Variants in CMPK1 observed in about 807,000 individuals in gnomAD.
CMPK1 encodes the protein cytidine/uridine monophosphate kinase 1, also known as UMP-CMP kinase.
Under a neutral mutation model 25.7 loss-of-function variants are expected in CMPK1, and 10 were observed. The observed-to-expected ratio is 0.39, with a 90% CI of 0.24 to 0.66. CMPK1 has a LOEUF of 0.66. Among genes scored for constraint, CMPK1 ranks in the 30% least tolerant of loss-of-function variants. The probability of loss-of-function intolerance (pLI) is 0.48; values close to 1 mark genes in which losing one functional copy is unlikely to be tolerated. For synonymous variants in CMPK1, 106 were observed against 101.5 expected (o/e 1.04, Z -0.27); for missense variants, 199 against 280.5 (o/e 0.71, Z 2.08).
chr1:47,352,901 T>A (rs1432502177), intron 1 of CMPK1, among the ~76,000 whole-genome samples: 1 of 151,948 alleles, frequency 6.6e-6, no homozygotes, highest in Non-Finnish European at 1.5e-5. Context: ...ACTTTAATTT[T>A]AGATTGAGCA....
At chr1:47,342,415 G>A (rs528630822) in intron 1 of CMPK1, among the ~76,000 whole-genome samples, 2 of 152,072 alleles carry the variant, frequency 1.3e-5, no homozygotes, top group Non-Finnish European at 1.5e-5. Flanking sequence ...GTACTCACTC[G>A]ACTGCTTCAA....
intron 1 of CMPK1, chr1:47,358,728 C>T (rs2622902): frequency 0.99 from 974,331 of 985,116 alleles, 482,547 homozygotes; most frequent in East Asian, 1. Flanking sequence ...TGTGTTTCTC[C>T]AAATTTATTT....
intron 1 of CMPK1, chr1:47,358,201 T>A: frequency 4.7e-6 from 2 of 429,226 alleles, no homozygotes; most frequent in South Asian, 3.3e-5. Flanking sequence ...CGCCTCTAAC[T>A]CCTGGGGCTC....
At chr1:47,362,878 T>C (rs1443899273) in intron 1 of CMPK1, among the ~76,000 whole-genome samples, 1 of 152,160 alleles carries the variant, frequency 6.6e-6, no homozygotes, top group African/African-American at 2.4e-5. Flanking sequence ...CCACTAGATA[T>C]TTTTTTCTTA....
chr1:47,352,486 A>G (rs1646529556), intron 1 of CMPK1, among the ~76,000 whole-genome samples: 1 of 147,950 alleles, frequency 6.8e-6, no homozygotes, highest in African/African-American at 2.4e-5. Flanking sequence ...GGAGTGGGAA[A>G]GAGACGGGGT....
Position 47,378,757 on chromosome 1 carries a change from A to T in CMPK1, c.*2012A>T, listed in dbSNP as rs1325947813. ...CCAATTTAAGCCTTGCTTATTTTTA[A>T]ATTATTTCCATTCAGTGATGTTGGA... On this transcript the variant is annotated 3_prime_UTR_variant, in exon 6 of 6. Coordinates refer to ENST00000371873, the MANE Select transcript of CMPK1 (RefSeq NM_016308.3). 1 of 149,888 alleles carries T rather than the reference A, an allele frequency of 6.7e-6. No individual in the cohort carries two copies. Among genetic ancestry groups the T allele is most frequent in the Non-Finnish European group, 1.5e-5 (1 of 67,498 alleles). The allele number at this position is 149,888 out of a possible 1,614,324, so 9.3% of individuals were successfully genotyped here. A position where few individuals can be genotyped will look rare whatever the true frequency, so the allele number is the denominator to read the frequency against.
intron 1 of CMPK1, among the ~76,000 whole-genome samples, chr1:47,344,633 G>A (rs554996889): frequency 7.9e-5 from 12 of 151,750 alleles, no homozygotes; most frequent in African/African-American, 2.9e-4. Context: ...CAAGTAGCTG[G>A]GATTACAGGC....
At chr1:47,357,548 G>A (rs1034149000) in intron 1 of CMPK1, among the ~76,000 whole-genome samples, 23 of 148,738 alleles carry the variant, frequency 1.5e-4, no homozygotes, top group African/African-American at 5.5e-4. Flanking sequence ...GCGGTGGTGT[G>A]ATCTCAGCTC....
intron 3 of CMPK1, among the ~76,000 whole-genome samples, chr1:47,373,686 C>T (rs1646690732): frequency 6.6e-6 from 1 of 151,956 alleles, no homozygotes; most frequent in African/African-American, 2.4e-5. Flanking sequence ...ATCCCAGCTA[C>T]TTGGGAGGCT....
chr1:47,333,819 C>A lies in CMPK1; in HGVS notation c.-127C>A, dbSNP rs1646371844. The A allele has an allele frequency of 2.2e-6, 1 of 447,976 alleles. No homozygotes were observed. Among genetic ancestry groups the A allele is most frequent in the Non-Finnish European group, 3.0e-6 (1 of 337,452 alleles). 27.8% of individuals were successfully genotyped at this position (447,976 alleles called of 1,614,324 possible). A position where few individuals can be genotyped will look rare whatever the true frequency, so the allele number is the denominator to read the frequency against. On this transcript the variant is annotated 5_prime_UTR_variant, in exon 1 of 6. Transcript: ENST00000371873. ...TCCGACAGGGCCGCGGACGCCCGGGCAGCCACGGCGGCGGGGCCGCGGCGG... is the reference window on the plus strand; with the variant it reads ...TCCGACAGGGCCGCGGACGCCCGGGAAGCCACGGCGGCGGGGCCGCGGCGG...
chr1:47,368,698 G>A (rs1409955128), intron 2 of CMPK1, 83 bp downstream of exon 2: 2 of 1,258,254 alleles, frequency 1.6e-6, no homozygotes, highest in African/African-American at 3.1e-5. Flanking sequence ...AGTTGCTCAT[G>A]CTTGTGATCC....
intron 2 of CMPK1, among the ~76,000 whole-genome samples, chr1:47,368,971 C>T (rs1229203252): frequency 1.3e-5 from 2 of 152,010 alleles, no homozygotes; most frequent in Admixed American, 6.6e-5. Flanking sequence ...AAAATAAATC[C>T]ACCTTTCATA....
chr1:47,369,439 C>A (rs1646661416), intron 2 of CMPK1, among the ~76,000 whole-genome samples: 1 of 152,206 alleles, frequency 6.6e-6, no homozygotes, highest in African/African-American at 2.4e-5. Context: ...ACCTATAGCT[C>A]AACTTAACAT....
At chr1:47,355,329 A>G (rs1216177046) in intron 1 of CMPK1, among the ~76,000 whole-genome samples, 2 of 144,698 alleles carry the variant, frequency 1.4e-5, no homozygotes, top group African/African-American at 5.1e-5. Flanking sequence ...TACAAGCATG[A>G]GCCACCATGC....
At chr1:47,344,237 T>G (rs1267285877) in intron 1 of CMPK1, among the ~76,000 whole-genome samples, 1 of 152,144 alleles carries the variant, frequency 6.6e-6, no homozygotes, top group African/African-American at 2.4e-5. Flanking sequence ...AATGTCAATT[T>G]AATGAGTCAG....
At chr1:47,368,739 C>A in intron 2 of CMPK1, 124 bp downstream of exon 2, 1 of 843,660 alleles carries the variant, frequency 1.2e-6, no homozygotes, top group Non-Finnish European at 1.7e-6. Context: ...GCAAGAGGAT[C>A]ACTTGAGGCC....
intron 1 of CMPK1, among the ~76,000 whole-genome samples, chr1:47,363,200 G>A (rs1214248867): frequency 6.6e-6 from 1 of 152,178 alleles, no homozygotes; most frequent in East Asian, 1.9e-4. Context: ...GTTTACGATG[G>A]ATTTGGAGGT....
chr1:47,339,735 C>A (rs1050157011), intron 1 of CMPK1, among the ~76,000 whole-genome samples: 2 of 132,384 alleles, frequency 1.5e-5, no homozygotes, highest in Non-Finnish European at 3.1e-5. Flanking sequence ...TAAGACAGAG[C>A]CTTACTCTGT....
chr1:47,368,659 A>G, intron 2 of CMPK1, 44 bp downstream of exon 2: 1 of 1,448,728 alleles, frequency 6.9e-7, no homozygotes. Flanking sequence ...GCGAGGAAAG[A>G]AGAAATTAAA....
Sources: allele counts gnomAD v4.1 joint callset (sites outside exome capture counted in the v4.1 genomes callset), GRCh38; gene constraint gnomAD v4.1.1; transcripts MANE v1.5; gene names NCBI Gene and HGNC (gene_info 2026-07-23, HGNC 2026-07-21).